The following SMC4 variants were observed in gnomAD, a reference collection of about 807,000 sequenced individuals.
The protein encoded by SMC4 is structural maintenance of chromosomes protein 4.
In SMC4, 87 loss-of-function variants were observed where a neutral mutation model predicts 145.6. The observed-to-expected ratio is 0.60, with a 90% CI of 0.50 to 0.71. The LOEUF is 0.71. Ranked by LOEUF, SMC4 falls within the 30% of genes least tolerant of loss-of-function variation. The probability of loss-of-function intolerance (pLI) is 0.00; values close to 1 mark genes in which losing one functional copy is unlikely to be tolerated. For missense variants in SMC4, 1,447 were observed against 1,537.1 expected, an observed-to-expected ratio of 0.94 and a Z score of 0.98; for synonymous variants, 558 against 500.7, an observed-to-expected ratio of 1.11 and a Z score of -1.53.
intron 13 of SMC4, among the ~76,000 whole-genome samples, chr3:160,421,410 TAAAAGG>T (rs1357068555): frequency 1.3e-5 from 2 of 152,206 alleles, no homozygotes; most frequent in East Asian, 1.9e-4. Context: ...ATTCCAGAGT[TAAAAGG>T]AAAACCTTTA....
At chr3:160,406,590 C>G (rs2108453647) in intron 5 of SMC4, among the ~76,000 whole-genome samples, 1 of 152,168 alleles carries the variant, frequency 6.6e-6, no homozygotes, top group East Asian at 1.9e-4. Flanking sequence ...TAAATCATTA[C>G]TTGGAATAAA....
At chr3:160,419,053 A>G (rs985020805) in intron 11 of SMC4, among the ~76,000 whole-genome samples, 2 of 152,190 alleles carry the variant, frequency 1.3e-5, no homozygotes, top group African/African-American at 4.8e-5. Context: ...ACTATGTAGT[A>G]TCAAACTGGG....
intron 1 of SMC4, chr3:160,399,975 CG>C (rs1303253312): frequency 2.0e-5 from 3 of 152,228 alleles, no homozygotes; most frequent in African/African-American, 7.2e-5. Flanking sequence ...TCAAATGTCT[CG>C]GGGAGGCCCT....
intron 8 of SMC4, 136 bp from the exon 9 acceptor site, chr3:160,414,231 G>A: frequency 1.3e-6 from 1 of 743,744 alleles, no homozygotes; most frequent in Non-Finnish European, 2.4e-6. Flanking sequence ...GATCATCTTG[G>A]AATAAGGAGA....
intron 10 of SMC4, among the ~76,000 whole-genome samples, chr3:160,417,087 A>G (rs1332320302): frequency 6.6e-6 from 1 of 152,176 alleles, no homozygotes; most frequent in Middle Eastern, 3.2e-3. Context: ...GTTTGTATGT[A>G]CCACAGCATT....
intron 17 of SMC4, among the ~76,000 whole-genome samples, chr3:160,427,619 C>T (rs1717930569): frequency 6.6e-6 from 1 of 152,170 alleles, no homozygotes; most frequent in South Asian, 2.1e-4. Flanking sequence ...CTATATATCT[C>T]CTCTCATAGA....
intron 11 of SMC4, among the ~76,000 whole-genome samples, chr3:160,419,142 T>C (rs1716899318): frequency 6.6e-6 from 1 of 152,220 alleles, no homozygotes; most frequent in Admixed American, 6.5e-5. Context: ...TAATGTTTTC[T>C]TTTATTGACC....
chr3:160,400,563 A>G lies in SMC4; in HGVS notation c.-5-259A>G, dbSNP rs192755351. On this transcript the variant is annotated intron_variant, in intron 1 of 23. Transcript: ENST00000357388. ...GGAGAGCCTTAAAAACAACAACAAC[A>G]AACTAAGCAGTTGCTCAATCGTTGA... 7.6e-5 allele frequency: 33 copies of G among 434,430 alleles called. 1 individual carries two copies. In the Admixed American group the frequency reaches 1.3e-3, roughly 18 times the overall value. The allele number at this position is 434,430 out of a possible 1,614,324, so 26.9% of individuals were successfully genotyped here.
chr3:160,408,972 A>T (rs1715650539), intron 5 of SMC4, among the ~76,000 whole-genome samples: 1 of 152,056 alleles, frequency 6.6e-6, no homozygotes, highest in Non-Finnish European at 1.5e-5. Context: ...AACTGGTTTA[A>T]AAAAAAGCAA....
At chr3:160,406,967 T>C (rs995738894) in intron 5 of SMC4, among the ~76,000 whole-genome samples, 2 of 152,228 alleles carry the variant, frequency 1.3e-5, no homozygotes, top group Admixed American at 6.5e-5. Context: ...TTTTCTTTTA[T>C]ATATACCTAC....
At chr3:160,414,611 A>G (rs1716396260) in intron 9 of SMC4, 94 bp downstream of exon 9, 1 of 1,155,264 alleles carries the variant, frequency 8.7e-7, no homozygotes, top group Non-Finnish European at 1.2e-6. Flanking sequence ...AAGAGAATGA[A>G]TTAGTATTCT....
In SMC4 at chr3:160,411,722, G is replaced by A. The variant is rs1195786880; in HGVS notation, c.688-198G>A. ...ATAAATTCATGTTTCATATCTCCCT[G>A]TGTAAAATTAAAACTCTTAGGAATA... On this transcript the variant is annotated intron_variant, in intron 5 of 23. Transcript: ENST00000357388. 2.5e-5 allele frequency: 11 copies of A among 436,494 alleles called. No individual in the cohort carries two copies. In the East Asian group the frequency reaches 3.7e-4, roughly 15 times the overall value. The allele number at this position is 436,494 out of a possible 1,614,324, so 27.0% of individuals were successfully genotyped here.
At chr3:160,410,961 A>T (rs878968303) in intron 5 of SMC4, among the ~76,000 whole-genome samples, 1 of 152,078 alleles carries the variant, frequency 6.6e-6, no homozygotes, top group Non-Finnish European at 1.5e-5. Flanking sequence ...GCCTGTACCT[A>T]TTCTTCCATT....
At position 160,400,872 on chromosome 3, in the gene SMC4, G is replaced by C. The variant is rs375943466; in HGVS notation, c.46G>C (p.Glu16Gln). The C allele has an allele frequency of 2.3e-4, 350 of 1,524,566 alleles. 2 individuals are homozygous for C. In the East Asian group the frequency reaches 8.8e-3, roughly 38 times the overall value. The allele number at this position is 1,524,566 out of a possible 1,614,324, so 94.4% of individuals were successfully genotyped here. A position where few individuals can be genotyped will look rare whatever the true frequency, so the allele number is the denominator to read the frequency against. Reference sequence around the variant, plus strand: ...GCCCTCCACTGCCCGGCGCAGAGAGGAAGGGCCGCCGCCGCCGTCCCCTGA... The same window carrying C: ...GCCCTCCACTGCCCGGCGCAGAGAGCAAGGGCCGCCGCCGCCGTCCCCTGA... ...TQPSTARRRE[E>Q]GPPPPSPDGA... The change falls in exon 2 of 24, where the codon GAA (glutamate) becomes CAA (glutamine). Residue 16 changes from glutamate to glutamine, a missense_variant. By Grantham distance (29) the Glu-to-Gln change is conservative. Transcript: ENST00000357388.
At chr3:160,424,134 GT>G (rs372049319) in intron 15 of SMC4, among the ~76,000 whole-genome samples, 41 of 151,476 alleles carry the variant, frequency 2.7e-4, no homozygotes, top group Middle Eastern at 3.4e-3. Flanking sequence ...ATTTATTGGG[GT>G]TTTTTTTGTA....
At chr3:160,426,851 A>G (rs1037470852) in intron 17 of SMC4, among the ~76,000 whole-genome samples, 7 of 152,178 alleles carry the variant, frequency 4.6e-5, no homozygotes, top group Non-Finnish European at 1.0e-4. Flanking sequence ...GTCCCCTTCC[A>G]GGTTTACAGA....
intron 15 of SMC4, 127 bp from the exon 16 acceptor site, chr3:160,424,740 G>A: frequency 1.1e-6 from 1 of 931,248 alleles, no homozygotes; most frequent in Non-Finnish European, 1.6e-6. Flanking sequence ...AACCCGGGAG[G>A]CGGAGGTTGC....
At chr3:160,419,600 T>A in intron 12 of SMC4, 57 bp downstream of exon 12, 1 of 1,512,090 alleles carries the variant, frequency 6.6e-7, no homozygotes, top group Non-Finnish European at 8.9e-7. Context: ...AAAGTGTAAC[T>A]TATTTTTTTG....
At chr3:160,410,835 C>T (rs1284779935) in intron 5 of SMC4, among the ~76,000 whole-genome samples, 2 of 152,174 alleles carry the variant, frequency 1.3e-5, no homozygotes, top group Non-Finnish European at 2.9e-5. Context: ...AAATAGGAAT[C>T]ACTAAGATAT....
Sources: gnomAD v4.1 joint callset for allele counts (sites outside exome capture counted in the v4.1 genomes callset) on GRCh38, gnomAD v4.1.1 for gene constraint, MANE v1.5 for transcripts, NCBI Gene and HGNC (gene_info 2026-07-23, HGNC 2026-07-21) for gene names.